AGTPBP1: variants seen among roughly 807,000 people sequenced by gnomAD.
AGTPBP1 encodes the protein cytosolic carboxypeptidase 1.
A neutral mutation model predicts 143.9 loss-of-function variants in AGTPBP1; 70 were observed. The ratio of observed to expected loss-of-function variants is 0.49; its 90% confidence interval spans 0.40 to 0.59. The LOEUF is 0.59. Ranked by LOEUF, AGTPBP1 falls within the 20% of genes least tolerant of loss-of-function variation. AGTPBP1 has a pLI of 0.00. For missense variants in AGTPBP1, 1,229 were observed against 1,464.5 expected, an observed-to-expected ratio of 0.84 and a Z score of 2.62; for synonymous variants, 463 against 500.2, an observed-to-expected ratio of 0.93 and a Z score of 0.99.
the AGTPBP1 span, among the ~76,000 whole-genome samples, chr9:85,765,783 A>G: frequency 6.6e-6 from 1 of 152,216 alleles, no homozygotes; most frequent in East Asian, 1.9e-4. Context: ...AGTTTGGAGC[A>G]AGTGACAGGA....
At chr9:85,614,633 T>C (rs1048734424) in intron 17 of AGTPBP1, among the ~76,000 whole-genome samples, 5 of 151,802 alleles carry the variant, frequency 3.3e-5, no homozygotes, top group African/African-American at 1.2e-4. Flanking sequence ...TCAGAAAAAA[T>C]AGGTAGAAAA....
intron 7 of AGTPBP1, among the ~76,000 whole-genome samples, chr9:85,672,315 C>T (rs1167187734): frequency 2.6e-5 from 4 of 152,142 alleles, no homozygotes; most frequent in South Asian, 4.1e-4. Context: ...GTGATCCGCC[C>T]GCCTTGGCCT....
intron 25 of AGTPBP1, among the ~76,000 whole-genome samples, chr9:85,547,924 A>C (rs1288739000): frequency 6.6e-6 from 1 of 152,206 alleles, no homozygotes; most frequent in African/African-American, 2.4e-5. Flanking sequence ...GTTGTTTGGG[A>C]CTGAGACAAC....
intron 13 of AGTPBP1, among the ~76,000 whole-genome samples, chr9:85,638,438 C>T (rs1198512396): frequency 6.6e-6 from 1 of 151,102 alleles, no homozygotes; most frequent in Non-Finnish European, 1.5e-5. Flanking sequence ...CAAATGAAGG[C>T]AAGAAAAAGA....
At chr9:85,613,374 C>CA (rs1187142131) in intron 17 of AGTPBP1, among the ~76,000 whole-genome samples, 2 of 151,318 alleles carry the variant, frequency 1.3e-5, no homozygotes, top group Non-Finnish European at 3.0e-5. Context: ...ATGAATAAAC[C>CA]AGCTTTTTAA....
chr9:85,720,042 G>T (rs1375582785), intron 1 of AGTPBP1, among the ~76,000 whole-genome samples: 1 of 152,166 alleles, frequency 6.6e-6, no homozygotes, highest in Non-Finnish European at 1.5e-5. Context: ...GCTTTTTCTT[G>T]TGCTGCTGGA....
the AGTPBP1 span, among the ~76,000 whole-genome samples, chr9:85,776,326 T>C: frequency 3.9e-5 from 6 of 152,324 alleles, no homozygotes; most frequent in Non-Finnish European, 8.8e-5. Context: ...GCTGGTCACA[T>C]GGTCATAGCT....
chr9:85,655,032 C>A, intron 11 of AGTPBP1, 111 bp downstream of exon 11: 2 of 933,872 alleles, frequency 2.1e-6, no homozygotes, highest in Admixed American at 7.0e-5. Flanking sequence ...ATGTTTATCA[C>A]GTTAAGTAAG....
At chr9:85,739,107 G>A (rs530366540) in intron 1 of AGTPBP1, among the ~76,000 whole-genome samples, 2 of 152,218 alleles carry the variant, frequency 1.3e-5, no homozygotes, top group South Asian at 4.2e-4. Context: ...AAAATAACTT[G>A]CCTAAAGCAA....
At position 85,589,621 on chromosome 9, in the gene AGTPBP1, C is replaced by T; in HGVS notation, c.2629G>A (p.Val877Met). The T allele has an allele frequency of 6.2e-7, 1 of 1,613,558 alleles. No homozygotes were observed. The highest frequency in any genetic ancestry group is 2.2e-5 in the East Asian group (1 of 44,868). The change falls in exon 20 of 26, where the codon GTG becomes ATG. Residue 877 changes from valine to methionine, a missense_variant. Coordinates refer to ENST00000357081, the MANE Select transcript of AGTPBP1 (RefSeq NM_001330701.2). ...NPQQIYFRKD[V>M]LCETLSGNSC... ...TTTCCAGACAGGGTTTCACATAACA[C>T]ATCTTTCCGAAAATAGATTTGCTGA...
intron 8 of AGTPBP1, among the ~76,000 whole-genome samples, chr9:85,663,487 G>GA (rs1177026477): frequency 6.6e-6 from 1 of 151,382 alleles, no homozygotes; most frequent in Non-Finnish European, 1.5e-5. Flanking sequence ...CCACATCCCA[G>GA]AAAAACCTCA....
chr9:85,766,992 A>G, the AGTPBP1 span, among the ~76,000 whole-genome samples: 4 of 150,544 alleles, frequency 2.7e-5, no homozygotes, highest in Non-Finnish European at 5.9e-5. Flanking sequence ...ACAATTTACT[A>G]CAGACAGGTC....
In AGTPBP1 at chr9:85,715,872, GA is replaced by G. The variant is rs1174082171; in HGVS notation, c.-33-3307del. Among the ~76,000 whole-genome samples, 3 of 152,094 alleles carry G rather than the reference GA, an allele frequency of 2.0e-5. No homozygotes were observed. In the East Asian group the frequency reaches 5.8e-4, roughly 29 times the overall value. ...GAGGGCAGAGGAACTGAGAATGTAT[GA>G]AAAAAAGTGATAAAAACTGAGCTCG... On this transcript the variant is annotated intron_variant, in intron 1 of 25. Transcript: ENST00000357081.
intron 25 of AGTPBP1, among the ~76,000 whole-genome samples, chr9:85,573,671 C>T (rs1424974602): frequency 6.6e-6 from 1 of 151,798 alleles, no homozygotes; most frequent in Non-Finnish European, 1.5e-5. Context: ...GAGCCTCTTC[C>T]CGGCCGCCAT....
the AGTPBP1 span, among the ~76,000 whole-genome samples, chr9:85,764,388 C>T: frequency 4.2e-4 from 64 of 151,868 alleles, no homozygotes; most frequent in East Asian, 0.011. Flanking sequence ...AAATTAGCTG[C>T]ACATGGTGAT....
At chr9:85,665,997 G>T (rs990340668) in intron 8 of AGTPBP1, among the ~76,000 whole-genome samples, 3 of 152,072 alleles carry the variant, frequency 2.0e-5, no homozygotes, top group African/African-American at 7.2e-5. Context: ...TGCATAGTTT[G>T]TAGTTAATTA....
At chr9:85,568,458 G>A (rs1827248372) in intron 25 of AGTPBP1, among the ~76,000 whole-genome samples, 1 of 152,210 alleles carries the variant, frequency 6.6e-6, no homozygotes, top group African/African-American at 2.4e-5. Context: ...AGGATACAAA[G>A]TGAGAGTAGG....
intron 10 of AGTPBP1, 67 bp downstream of exon 10, chr9:85,657,368 C>T: frequency 7.4e-7 from 1 of 1,350,980 alleles, no homozygotes; most frequent in Non-Finnish European, 1.0e-6. Context: ...CACACTAATT[C>T]AGTTTTCTTA....
At chr9:85,690,227 T>A (rs1835775005) in intron 3 of AGTPBP1, among the ~76,000 whole-genome samples, 1 of 152,208 alleles carries the variant, frequency 6.6e-6, no homozygotes, top group Non-Finnish European at 1.5e-5. Flanking sequence ...GTTGTTTGCA[T>A]TTCTTCTTTC....
Sources: gnomAD v4.1 joint callset for allele counts (sites outside exome capture counted in the v4.1 genomes callset) on GRCh38, gnomAD v4.1.1 for gene constraint, MANE v1.5 for transcripts, NCBI Gene and HGNC (gene_info 2026-07-23, HGNC 2026-07-21) for gene names.